NCOR1: variants seen among roughly 807,000 people sequenced by gnomAD.
The protein encoded by NCOR1 is nuclear receptor corepressor 1.
In NCOR1, 63 loss-of-function variants were observed where a neutral mutation model predicts 288.1. The ratio of observed to expected loss-of-function variants is 0.22; its 90% CI spans 0.18 to 0.27. The LOEUF (loss-of-function observed/expected upper bound fraction) is 0.27, where lower values mean the gene tolerates loss of function less well. Ranked by LOEUF, NCOR1 falls within the 10% of genes least tolerant of loss-of-function variation. The pLI is 1.00. For synonymous variants in NCOR1, 1,007 were observed against 1,065.9 expected, an observed-to-expected ratio of 0.94 and a Z score of 1.08; for missense variants, 2,397 against 3,019.2, an observed-to-expected ratio of 0.79 and a Z score of 4.83.
intron 34 of NCOR1, among the ~76,000 whole-genome samples, 178 bp from the exon 35 acceptor site, chr17:16,064,365 C>T (rs1013279203): frequency 6.6e-6 from 1 of 152,078 alleles, no homozygotes; most frequent in African/African-American, 2.4e-5. Flanking sequence ...TTCGGGAGGC[C>T]AAGGCAGGTG....
chr17:16,181,205 A>ATCTG, intron 3 of NCOR1, among the ~76,000 whole-genome samples: 1 of 99,068 alleles, frequency 1.0e-5, no homozygotes, highest in African/African-American at 4.0e-5. Context: ...GTATACATAT[A>ATCTG]TATGTATGTG....
chr17:16,092,773 G>A (rs1242751428), intron 21 of NCOR1, among the ~76,000 whole-genome samples: 13 of 138,280 alleles, frequency 9.4e-5, no homozygotes, highest in African/African-American at 2.5e-4. Context: ...ATCTTGGCTC[G>A]CTGCAACGTC....
intron 3 of NCOR1, among the ~76,000 whole-genome samples, chr17:16,184,274 C>T (rs2086142846): frequency 1.3e-5 from 2 of 152,112 alleles, no homozygotes. Context: ...AATGAGTCAG[C>T]AGCCTGTAGA....
At chr17:16,087,464 T>G in intron 22 of NCOR1, 1 of 459,634 alleles carries the variant, frequency 2.2e-6, no homozygotes, top group Non-Finnish European at 3.5e-6. Context: ...AGTCTAAAAC[T>G]CCTGGGGGCA....
chr17:16,159,774 T>C (rs1397514239), intron 5 of NCOR1, among the ~76,000 whole-genome samples: 1 of 151,904 alleles, frequency 6.6e-6, no homozygotes, highest in Non-Finnish European at 1.5e-5. Flanking sequence ...GTGCCTGGGT[T>C]TGAGCCTCAG....
intron 42 of NCOR1, among the ~76,000 whole-genome samples, chr17:16,046,434 C>A (rs755419888): frequency 2.6e-5 from 4 of 152,152 alleles, no homozygotes; most frequent in Admixed American, 1.3e-4. Flanking sequence ...TTATACTACT[C>A]TATTTTGTAT....
At chr17:16,124,299 C>T (rs1260343201) in intron 15 of NCOR1, among the ~76,000 whole-genome samples, 1 of 151,904 alleles carries the variant, frequency 6.6e-6, no homozygotes, top group Non-Finnish European at 1.5e-5. Flanking sequence ...GGCATTCATG[C>T]TAAGTAAAAG....
chr17:16,113,422 AT>A (rs1478949537), intron 18 of NCOR1, among the ~76,000 whole-genome samples: 8 of 152,186 alleles, frequency 5.3e-5, no homozygotes, highest in Non-Finnish European at 8.8e-5. Flanking sequence ...TAAGAAAACA[AT>A]GTAGCCTCAC....
chr17:16,206,362 G>A (rs1383766838), intron 1 of NCOR1, among the ~76,000 whole-genome samples: 1 of 150,996 alleles, frequency 6.6e-6, no homozygotes, highest in African/African-American at 2.4e-5. Flanking sequence ...TCTAGTGACC[G>A]TAAGTTGATT....
chr17:16,155,427 C>T lies in NCOR1; in HGVS notation c.733-2032G>A, dbSNP rs1004734134. Among the ~76,000 whole-genome samples, 4 of 151,728 alleles carry T rather than the reference C, an allele frequency of 2.6e-5. No homozygotes were observed. The South Asian group carries it at 6.2e-4, about 24-fold the overall frequency. On this transcript the variant is annotated intron_variant, in intron 6 of 45. Transcript: ENST00000268712. ...TATTCTGCAAATTTCTCTAGTAGAG[C>T]CCAACAATAATCACTTTTCTATACG...
Position 16,110,596 on chromosome 17 carries a change from G to A in NCOR1, c.2056-1684C>T, listed in dbSNP as rs140150945. On this transcript the variant is annotated intron_variant, in intron 18 of 45. Coordinates refer to ENST00000268712, the MANE Select transcript of NCOR1 (RefSeq NM_006311.4). The stretch of plus-strand genomic sequence containing the variant: ...TCTGTGTTTGCAGACCCAGGGTTCT[G>A]GAAGTCCCAGCCCTGATGGTCCTCT... Among the ~76,000 whole-genome samples the A allele has an allele frequency of 6.6e-3, 1,012 of 152,240 alleles. 3 individuals carry two copies. Among genetic ancestry groups the A allele is most frequent in the Middle Eastern group, 0.017 (5 of 294 alleles).
chr17:16,084,701 A>C (rs1399478758), intron 23 of NCOR1, among the ~76,000 whole-genome samples: 2 of 152,172 alleles, frequency 1.3e-5, no homozygotes. Flanking sequence ...AAGGAACTGA[A>C]GCGATCAAAT....
intron 21 of NCOR1, among the ~76,000 whole-genome samples, chr17:16,093,021 T>C (rs947026090): frequency 2.1e-4 from 32 of 152,006 alleles, no homozygotes; most frequent in Admixed American, 8.5e-4. Context: ...TCCATTTATG[T>C]TGATTTAAAT....
At position 16,075,287 on chromosome 17, in the gene NCOR1, C is replaced by T. The variant is rs1030607667; in HGVS notation, c.3670+247G>A. Among the ~76,000 whole-genome samples the T allele has an allele frequency of 1.4e-4, 21 of 152,150 alleles. 1 individual carries two copies. Among genetic ancestry groups the T allele is most frequent in the Admixed American group, 1.1e-3 (17 of 15,286 alleles). On this transcript the variant is annotated intron_variant, in intron 27 of 45. Transcript: ENST00000268712. ...CTAAGCTAAACTGACTGACCACAGT[C>T]GACAATCTTAGCTACCACCTATGGG...
At chr17:16,195,252 C>G (rs950322987) in intron 1 of NCOR1, among the ~76,000 whole-genome samples, 3 of 152,174 alleles carry the variant, frequency 2.0e-5, no homozygotes, top group Non-Finnish European at 4.4e-5. Flanking sequence ...AGGTGGATCA[C>G]TTGAGGTCAG....
At chr17:16,173,141 C>T (rs978377882) in intron 3 of NCOR1, among the ~76,000 whole-genome samples, 3 of 152,024 alleles carry the variant, frequency 2.0e-5, no homozygotes, top group Non-Finnish European at 4.4e-5. Flanking sequence ...AGGCTGGTCT[C>T]GAACTCCTGA....
intron 34 of NCOR1, 74 bp from the exon 35 acceptor site, chr17:16,064,261 T>C: frequency 6.6e-7 from 1 of 1,520,350 alleles, no homozygotes; most frequent in Non-Finnish European, 8.9e-7. Flanking sequence ...TCCGAAATTC[T>C]AAGTGACTGA....
chr17:16,169,326 C>T (rs1335778751), intron 4 of NCOR1, among the ~76,000 whole-genome samples: 1 of 152,020 alleles, frequency 6.6e-6, no homozygotes, highest in Non-Finnish European at 1.5e-5. Flanking sequence ...TAAAATAATA[C>T]ACATACAAAT....
Position 16,080,487 on chromosome 17 carries a change from C to A in NCOR1, c.3321G>T (p.Gln1107His). 6.2e-7 allele frequency: 1 copy of A among 1,614,118 alleles called. No homozygotes were observed. The highest frequency in any genetic ancestry group is 8.5e-7 in the Non-Finnish European group (1 of 1,180,016). Residue 1107 changes from glutamine (Q) to histidine (H), a missense_variant, in exon 25 of 46, where the codon CAG (glutamine) becomes CAT (histidine). By Grantham distance (24) the Gln-to-His change is conservative. Transcript: ENST00000268712. ...TTTGGCTTCGGGGAGAAAATTCTTC[C>A]TGCTTGATGTAGGGCAAAGTAGCTG... ...AKSATLPYIK[Q>H]EEFSPRSQNS...
Sources: gnomAD v4.1 joint callset for allele counts (sites outside exome capture counted in the v4.1 genomes callset) on GRCh38, gnomAD v4.1.1 for gene constraint, MANE v1.5 for transcripts, NCBI Gene and HGNC (gene_info 2026-07-23, HGNC 2026-07-21) for gene names.